The following SCTR variants were observed in gnomAD, a reference collection of about 807,000 sequenced individuals.
SCTR encodes secretin receptor.
Under a neutral mutation model 60.8 loss-of-function variants are expected in SCTR, and 56 were observed. The ratio of observed to expected loss-of-function variants is 0.92; its 90% confidence interval spans 0.74 to 1.15. The LOEUF (loss-of-function observed/expected upper bound fraction) is 1.15. SCTR is among the 50% of genes most tolerant of loss of function. The pLI is 0.00. For synonymous variants in SCTR, 202 were observed against 217.0 expected (o/e 0.93, Z 0.61); for missense variants, 562 against 550.4 (o/e 1.02, Z -0.21).
chr2:119,480,383 C>T (rs1325081814), intron 2 of SCTR, among the ~76,000 whole-genome samples: 1 of 152,134 alleles, frequency 6.6e-6, no homozygotes, highest in Admixed American at 6.5e-5. Context: ...ATGAAACCAC[C>T]AGATCTCATG....
chr2:119,500,019 C>G (rs1678482137), intron 1 of SCTR, among the ~76,000 whole-genome samples: 1 of 152,010 alleles, frequency 6.6e-6, no homozygotes, highest in South Asian at 2.1e-4. Flanking sequence ...ATATACACTT[C>G]AATTTAAAAA....
intron 2 of SCTR, among the ~76,000 whole-genome samples, chr2:119,483,548 C>T (rs1291134345): frequency 2.6e-5 from 4 of 152,180 alleles, no homozygotes; most frequent in Non-Finnish European, 5.9e-5. Context: ...ACAGAAGGCA[C>T]AGAACAGACC....
intron 1 of SCTR, among the ~76,000 whole-genome samples, chr2:119,494,979 G>C (rs1277594510): frequency 1.3e-5 from 2 of 152,044 alleles, no homozygotes; most frequent in Non-Finnish European, 2.9e-5. Context: ...CTGTCACTCA[G>C]GCTGGAGTGC....
At chr2:119,470,995 C>T (rs1386942432) in intron 4 of SCTR, among the ~76,000 whole-genome samples, 20 of 152,222 alleles carry the variant, frequency 1.3e-4, no homozygotes, top group Non-Finnish European at 5.9e-5. Context: ...GCCACTGTGC[C>T]TGGCCTGTGG....
intron 1 of SCTR, among the ~76,000 whole-genome samples, chr2:119,516,121 T>C (rs1679108277): frequency 6.6e-6 from 1 of 152,164 alleles, no homozygotes. Flanking sequence ...TTGGAAGAAA[T>C]GTAAACTGGC....
intron 7 of SCTR, among the ~76,000 whole-genome samples, chr2:119,456,011 T>C (rs1479046810): frequency 1.3e-5 from 2 of 150,798 alleles, no homozygotes; most frequent in Non-Finnish European, 2.9e-5. Flanking sequence ...CCCATAACAC[T>C]GATGCCAAAA....
intron 12 of SCTR, 139 bp downstream of exon 12, chr2:119,441,419 G>C (rs1278821696): frequency 5.0e-5 from 34 of 681,124 alleles, no homozygotes. Context: ...AACTGGCCAA[G>C]CCACCTGCCA....
At chr2:119,469,085 C>T (rs1170004444) in intron 4 of SCTR, among the ~76,000 whole-genome samples, 1 of 152,148 alleles carries the variant, frequency 6.6e-6, no homozygotes, top group Non-Finnish European at 1.5e-5. Context: ...CAGGAGTCAC[C>T]TCTCAGGGAT....
At chr2:119,486,131 TAA>T (rs749634461) in intron 2 of SCTR, 20 of 152,250 alleles carry the variant, frequency 1.3e-4, no homozygotes, top group Non-Finnish European at 2.5e-4. Context: ...GAGAAACAGC[TAA>T]AGAGTCTTGG....
rs143097758 is a variant in SCTR at position 119,472,631 on chromosome 2, C to A, written c.405+822G>T. 1.4e-4 allele frequency among the ~76,000 whole-genome samples: 22 copies of A among 152,272 alleles called. 1 individual carries two copies. The East Asian group carries it at 4.2e-3, about 29-fold the overall frequency. On this transcript the variant is annotated intron_variant, in intron 4 of 12. Coordinates refer to ENST00000019103, the MANE Select transcript of SCTR (RefSeq NM_002980.3). ...CAGAGCCGGGAGACTCCTTCGAATG[C>A]TGTAAACATTTTTTTTTTTAAGAGA...
chr2:119,512,133 T>C (rs1487210220), intron 1 of SCTR, among the ~76,000 whole-genome samples: 1 of 152,212 alleles, frequency 6.6e-6, no homozygotes, highest in Non-Finnish European at 1.5e-5. Flanking sequence ...TCTTCATTTC[T>C]GGGAATTTAA....
chr2:119,459,514 G>A (rs749490914), intron 7 of SCTR, among the ~76,000 whole-genome samples: 5 of 152,120 alleles, frequency 3.3e-5, no homozygotes, highest in Admixed American at 1.3e-4. Flanking sequence ...AGCAGGGGCC[G>A]TTACCTTCGC....
intron 9 of SCTR, 117 bp downstream of exon 9, chr2:119,451,893 G>C (rs1683183135): frequency 2.9e-6 from 2 of 682,652 alleles, no homozygotes; most frequent in East Asian, 5.4e-5. Flanking sequence ...AAACACTGTG[G>C]TTTATCCCTC....
chr2:119,482,885 C>T (rs377505398), intron 2 of SCTR, among the ~76,000 whole-genome samples: 1 of 152,338 alleles, frequency 6.6e-6, no homozygotes, highest in African/African-American at 2.4e-5. Flanking sequence ...CCTGTGCGGC[C>T]GTCTCAGGGT....
chr2:119,513,320 T>C (rs1349824391), intron 1 of SCTR, among the ~76,000 whole-genome samples: 1 of 152,260 alleles, frequency 6.6e-6, no homozygotes, highest in Non-Finnish European at 1.5e-5. Context: ...TCCTTTACTG[T>C]CATTTTAAAA....
chr2:119,494,856 G>A (rs990577883), intron 1 of SCTR, among the ~76,000 whole-genome samples: 2 of 152,220 alleles, frequency 1.3e-5, no homozygotes, highest in Admixed American at 1.3e-4. Flanking sequence ...TTCTACATCT[G>A]TGGGACTTAC....
At chr2:119,446,659 A>G (rs1216676817) in intron 11 of SCTR, 100 bp downstream of exon 11, 1 of 1,181,826 alleles carries the variant, frequency 8.5e-7, no homozygotes, top group Non-Finnish European at 1.1e-6. Flanking sequence ...GGTCTCTGCC[A>G]GATAAGGCAT....
intron 1 of SCTR, among the ~76,000 whole-genome samples, chr2:119,513,121 G>T (rs1032640165): frequency 6.6e-6 from 1 of 152,204 alleles, no homozygotes; most frequent in African/African-American, 2.4e-5. Flanking sequence ...TCTCCTCAGT[G>T]TCTGGGGCCT....
At position 119,452,084 on chromosome 2, in the gene SCTR, G is replaced by C. The variant is rs1045338491; in HGVS notation, c.852-5C>G. 1 of 1,586,354 alleles carries C rather than the reference G, an allele frequency of 6.3e-7. No individual in the cohort carries two copies. The highest frequency in any genetic ancestry group is 1.1e-5 in the South Asian group (1 of 88,574). On this transcript the variant is annotated splice_polypyrimidine_tract_variant and splice_region_variant and intron_variant, in intron 8 of 12. Transcript: ENST00000019103. ...TTGGCATTGATGTCCCAGCACCTAAGGGAGGGACAGCTGGGCATGGTTATG... is the reference window on the plus strand; with the variant it reads ...TTGGCATTGATGTCCCAGCACCTAACGGAGGGACAGCTGGGCATGGTTATG...
Sources: gnomAD v4.1 joint callset for allele counts (sites outside exome capture counted in the v4.1 genomes callset) on GRCh38, gnomAD v4.1.1 for gene constraint, MANE v1.5 for transcripts, NCBI Gene and HGNC (gene_info 2026-07-23, HGNC 2026-07-21) for gene names.